Variants in DENND5A observed in about 807,000 individuals in gnomAD.
DENND5A encodes the protein DENN domain containing 5A, also known as DENN domain-containing protein 5A.
In DENND5A, 64 loss-of-function variants were observed where a neutral mutation model predicts 140.3. That is an observed-to-expected ratio of 0.46 (90% CI 0.37 to 0.56). DENND5A has a LOEUF of 0.56. DENND5A is among the 20% of genes least tolerant of loss of function. The pLI is 0.00. For synonymous variants in DENND5A, 605 were observed against 607.7 expected, an observed-to-expected ratio of 1.00 and a Z score of 0.07; for missense variants, 1,292 against 1,593.8, an observed-to-expected ratio of 0.81 and a Z score of 3.22.
intron 1 of DENND5A, among the ~76,000 whole-genome samples, chr11:9,227,922 G>A (rs1466283466): frequency 1.3e-5 from 2 of 151,762 alleles, no homozygotes. Flanking sequence ...GACCAACCTG[G>A]CCAACATGGT....
chr11:9,174,124 A>AAT (rs1848471994), intron 8 of DENND5A, among the ~76,000 whole-genome samples: 2 of 149,472 alleles, frequency 1.3e-5, no homozygotes, highest in Non-Finnish European at 3.0e-5. Context: ...AAAAAAAAAA[A>AAT]AAAAAGAAAA....
Position 9,144,978 on chromosome 11 carries a change from C to T in DENND5A, c.3122+17G>A. The T allele has an allele frequency of 6.4e-7, 1 of 1,553,660 alleles. No homozygotes were observed. The highest frequency in any genetic ancestry group is 8.9e-7 in the Non-Finnish European group (1 of 1,124,894). ...TACACCTTGCCCCTCTACCTTACAG[C>T]CTGAGGGTATACTTACTTGTAGGTA... On this transcript the variant is annotated intron_variant, in intron 18 of 22. Transcript: ENST00000328194.
intron 1 of DENND5A, among the ~76,000 whole-genome samples, chr11:9,219,153 A>G (rs1217664793): frequency 6.6e-6 from 1 of 152,180 alleles, no homozygotes; most frequent in South Asian, 2.1e-4. Flanking sequence ...GAAATTATCA[A>G]CAAAATAATA....
rs1180786414 is a variant in DENND5A, at chr11:9,193,512, C to T, written c.1119G>A (p.Lys373=). 5 of 1,609,856 alleles carry T rather than the reference C, an allele frequency of 3.1e-6. No homozygotes were observed. In the Admixed American group the frequency reaches 5.1e-5, roughly 16 times the overall value. ...LHSNGLDDRS[K]LELPQEANLC... is the part of the protein sequence containing the mutation. ...ATCTCACCTCTTGAGGCAGCTCCAG[C>T]TTTGACCGGTCATCCAGGCCATTGG... Residue 373 remains lysine (K), a synonymous_variant, in exon 5 of 23, where the codon AAG becomes AAA. Transcript: ENST00000328194.
At chr11:9,236,409 G>A (rs1851005932) in intron 1 of DENND5A, among the ~76,000 whole-genome samples, 1 of 151,652 alleles carries the variant, frequency 6.6e-6, no homozygotes, top group Admixed American at 6.6e-5. Context: ...ACGGGCACCT[G>A]TAATCCCAGC....
In DENND5A at chr11:9,169,476, T is replaced by A. The variant is rs1848296410; in HGVS notation, c.2151+380A>T. On this transcript the variant is annotated intron_variant, in intron 10 of 22. Coordinates refer to ENST00000328194, the MANE Select transcript of DENND5A (RefSeq NM_015213.4). ...AAAAAAAGAATTAAAAAAAATTAAC[T>A]TTTTTCCTATATACACACGCACACA... is the stretch of plus-strand genomic sequence containing the variant. Among the ~76,000 whole-genome samples, 4 of 142,432 alleles carry A rather than the reference T, an allele frequency of 2.8e-5. No homozygotes were observed. The South Asian group carries it at 9.2e-4, about 33-fold the overall frequency. The allele number at this position is 142,432 out of a possible 152,430, so 93.4% of individuals were successfully genotyped here.
At chr11:9,179,408 G>A (rs945893806) in intron 6 of DENND5A, among the ~76,000 whole-genome samples, 1 of 151,936 alleles carries the variant, frequency 6.6e-6, no homozygotes, top group African/African-American at 2.4e-5. Context: ...GAATGTGGGA[G>A]GTCAATTTAA....
chr11:9,257,170 C>T (rs951582403), intron 1 of DENND5A, among the ~76,000 whole-genome samples: 7 of 151,748 alleles, frequency 4.6e-5, no homozygotes, highest in South Asian at 4.1e-4. Context: ...CCACCACGCC[C>T]GGCTAATTTT....
chr11:9,155,390 A>G (rs1847770026), intron 12 of DENND5A, among the ~76,000 whole-genome samples: 1 of 152,202 alleles, frequency 6.6e-6, no homozygotes, highest in African/African-American at 2.4e-5. Flanking sequence ...CTGACATGCA[A>G]TAACACTAAA....
In DENND5A at chr11:9,178,110, T is replaced by C. The variant is rs747356936; in HGVS notation, c.1906+22A>G. On this transcript the variant is annotated intron_variant, in intron 8 of 22. Coordinates refer to ENST00000328194, the MANE Select transcript of DENND5A (RefSeq NM_015213.4). ...TGCCATAATCCAAGAGGCCTGAATGTACATTTCCAAGGAGGCCTTACCTGC... is the reference window on the plus strand; with the variant it reads ...TGCCATAATCCAAGAGGCCTGAATGCACATTTCCAAGGAGGCCTTACCTGC... 15 of 1,507,166 alleles carry C rather than the reference T, an allele frequency of 1.0e-5. No individual in the cohort carries two copies. The East Asian group carries it at 3.4e-4, about 34-fold the overall frequency. The allele number at this position is 1,507,166 out of a possible 1,614,324, so 93.4% of individuals were successfully genotyped here.
chr11:9,211,189 G>T (rs2136221815), intron 1 of DENND5A, among the ~76,000 whole-genome samples: 1 of 152,156 alleles, frequency 6.6e-6, no homozygotes, highest in East Asian at 1.9e-4. Context: ...AGAAACCAGA[G>T]GGCAAATTTT....
At chr11:9,171,035 C>CCTG in intron 8 of DENND5A, 1 of 466,570 alleles carries the variant, frequency 2.1e-6, no homozygotes, top group Non-Finnish European at 3.7e-6. Flanking sequence ...ACCCCTAGAA[C>CCTG]TATCCCAGCT....
At chr11:9,215,762 C>T (rs1384694645) in intron 1 of DENND5A, among the ~76,000 whole-genome samples, 2 of 152,032 alleles carry the variant, frequency 1.3e-5, no homozygotes, top group South Asian at 2.1e-4. Flanking sequence ...GTTGGCCAGG[C>T]TGATCTCAAA....
intron 1 of DENND5A, among the ~76,000 whole-genome samples, chr11:9,261,344 T>C (rs1279476724): frequency 6.6e-6 from 1 of 152,158 alleles, no homozygotes; most frequent in Non-Finnish European, 1.5e-5. Context: ...TTGGAGAACC[T>C]GGCTACAAAT....
chr11:9,241,244 C>G (rs1376126261), intron 1 of DENND5A, among the ~76,000 whole-genome samples: 1 of 152,186 alleles, frequency 6.6e-6, no homozygotes, highest in Non-Finnish European at 1.5e-5. Flanking sequence ...CATTAAAACT[C>G]TTACAGTAGC....
chr11:9,170,601 T>C, intron 9 of DENND5A, 26 bp downstream of exon 9: 3 of 1,613,368 alleles, frequency 1.9e-6, no homozygotes, highest in Non-Finnish European at 2.5e-6. Context: ...GGGAGTTGGA[T>C]TAGTGAATCC....
Position 9,228,796 on chromosome 11 carries a change from G to A in DENND5A, c.110-21164C>T, listed in dbSNP as rs114895044. Among the ~76,000 whole-genome samples the A allele has an allele frequency of 3.4e-3, 511 of 152,012 alleles. 2 individuals are homozygous for A. Among genetic ancestry groups the A allele is most frequent in the African/African-American group, 0.012 (488 of 41,436 alleles). On this transcript the variant is annotated intron_variant, in intron 1 of 22. Coordinates refer to ENST00000328194, the MANE Select transcript of DENND5A (RefSeq NM_015213.4). ...ACACACTTAAGTATTGCAGAATGGT[G>A]CACTCAGCGTGAGCACGAAGGCTCC...
intron 2 of DENND5A, chr11:9,207,047 A>G: frequency 2.1e-6 from 1 of 484,352 alleles, no homozygotes; most frequent in South Asian, 2.5e-5. Flanking sequence ...CCAATGGTTA[A>G]TTTTCATGGG....
chr11:9,177,197 C>T (rs982911924), intron 8 of DENND5A, among the ~76,000 whole-genome samples: 19 of 145,798 alleles, frequency 1.3e-4, no homozygotes, highest in South Asian at 2.1e-4. Context: ...AAGGCTGTGG[C>T]GAGCCATAAT....
Sources: gnomAD v4.1 joint callset for allele counts (sites outside exome capture counted in the v4.1 genomes callset) on GRCh38, gnomAD v4.1.1 for gene constraint, MANE v1.5 for transcripts, NCBI Gene and HGNC (gene_info 2026-07-23, HGNC 2026-07-21) for gene names.